The following GRIK4 variants were observed in gnomAD, a reference collection of about 807,000 sequenced individuals.
GRIK4 encodes the protein glutamate receptor ionotropic, kainate 4.
Under a neutral mutation model 104.9 loss-of-function variants are expected in GRIK4, and 40 were observed. That is an observed-to-expected ratio of 0.38 (90% confidence interval 0.30 to 0.50). GRIK4 has a LOEUF of 0.50. Among genes scored for constraint, GRIK4 ranks in the 20% least tolerant of loss-of-function variants. The pLI is 0.93. For synonymous variants in GRIK4, 485 were observed against 524.9 expected, an observed-to-expected ratio of 0.92 and a Z score of 1.04; for missense variants, 1,047 against 1,308.1, an observed-to-expected ratio of 0.80 and a Z score of 3.08.
At chr11:120,532,113 C>T (rs1591677995) in intron 1 of GRIK4, among the ~76,000 whole-genome samples, 1 of 152,198 alleles carries the variant, frequency 6.6e-6, no homozygotes, top group East Asian at 1.9e-4. Context: ...ACAGCTGGAG[C>T]CGGGTACCTG....
At chr11:120,768,519 C>CTATTTA (rs1196684627) in intron 3 of GRIK4, among the ~76,000 whole-genome samples, 3 of 152,116 alleles carry the variant, frequency 2.0e-5, no homozygotes, top group East Asian at 3.9e-4. Context: ...ATTTGGATGC[C>CTATTTA]TTTTTATTTT....
At chr11:120,656,448 CATG>C (rs1444411904) in intron 2 of GRIK4, among the ~76,000 whole-genome samples, 3 of 152,204 alleles carry the variant, frequency 2.0e-5, no homozygotes, top group African/African-American at 7.2e-5. Flanking sequence ...AGACATGCAA[CATG>C]GTGGCTCTTT....
At chr11:120,566,018 C>G (rs902010664) in intron 1 of GRIK4, among the ~76,000 whole-genome samples, 1 of 152,144 alleles carries the variant, frequency 6.6e-6, no homozygotes, top group Admixed American at 6.5e-5. Flanking sequence ...GTCATTGTCT[C>G]TAGGATAAAA....
At chr11:120,729,590 C>G (rs564450999) in intron 3 of GRIK4, among the ~76,000 whole-genome samples, 1 of 152,050 alleles carries the variant, frequency 6.6e-6, no homozygotes, top group Non-Finnish European at 1.5e-5. Flanking sequence ...GATCTTTTGC[C>G]CATTTCTTAA....
chr11:120,771,767 G>C (rs758928317), intron 3 of GRIK4, among the ~76,000 whole-genome samples: 1 of 152,210 alleles, frequency 6.6e-6, no homozygotes, highest in Non-Finnish European at 1.5e-5. Flanking sequence ...GCTGCCCCAG[G>C]TGTGGCTCCA....
At chr11:120,538,132 G>A (rs113483723) in intron 1 of GRIK4, among the ~76,000 whole-genome samples, 6 of 152,180 alleles carry the variant, frequency 3.9e-5, no homozygotes, top group East Asian at 1.9e-4. Flanking sequence ...CTTGCTTTCC[G>A]GCCTGACCTG....
In GRIK4 at chr11:120,956,364, G is replaced by C. The variant is rs1944148810; in HGVS notation, c.1701-416G>C. 6.6e-6 allele frequency among the ~76,000 whole-genome samples: 1 copy of C among 151,956 alleles called. No individual in the cohort carries two copies. Among genetic ancestry groups the C allele is most frequent in the Admixed American group, 6.6e-5 (1 of 15,244 alleles). The stretch of plus-strand genomic sequence containing the variant: ...TTACAGGCACACACCACCATACCTG[G>C]CTAATTTTTTTGTATTTTTTAGTAG... On this transcript the variant is annotated intron_variant, in intron 15 of 20. Coordinates refer to ENST00000527524, the MANE Select transcript of GRIK4 (RefSeq NM_014619.5). The surrounding 1 kb of genome is among the most constrained non-coding windows in gnomAD (Gnocchi z 4.6).
At chr11:120,832,121 G>A in intron 7 of GRIK4, 91 bp downstream of exon 7, 1 of 828,588 alleles carries the variant, frequency 1.2e-6, no homozygotes, top group Non-Finnish European at 1.9e-6. Flanking sequence ...GGCTGACGGA[G>A]CCCCGGGCTG....
At chr11:120,632,015 A>G (rs1949338847) in intron 1 of GRIK4, among the ~76,000 whole-genome samples, 1 of 152,170 alleles carries the variant, frequency 6.6e-6, no homozygotes, top group African/African-American at 2.4e-5. Flanking sequence ...CTCATCTGGA[A>G]ATGAATGGCA....
chr11:120,611,076 AG>A (rs1949031892), intron 1 of GRIK4, among the ~76,000 whole-genome samples: 1 of 152,152 alleles, frequency 6.6e-6, no homozygotes, highest in Non-Finnish European at 1.5e-5. Context: ...AGGCAGAACC[AG>A]GAGAGGGTCA....
At chr11:120,525,717 G>C (rs1268903124) in intron 1 of GRIK4, among the ~76,000 whole-genome samples, 2 of 152,206 alleles carry the variant, frequency 1.3e-5, no homozygotes, top group Non-Finnish European at 2.9e-5. Flanking sequence ...GCTTCCTGGA[G>C]GAAGTAGGGC....
At chr11:120,592,381 T>C (rs1190031077) in intron 1 of GRIK4, among the ~76,000 whole-genome samples, 1 of 152,210 alleles carries the variant, frequency 6.6e-6, no homozygotes, top group Admixed American at 6.5e-5. Context: ...TGGCACCCCC[T>C]ACGTGATTGT....
At chr11:120,904,547 C>A (rs1434013060) in intron 12 of GRIK4, among the ~76,000 whole-genome samples, 1 of 152,214 alleles carries the variant, frequency 6.6e-6, no homozygotes, top group Non-Finnish European at 1.5e-5. Flanking sequence ...CTTTAAAACG[C>A]TTGATGCTTC....
Position 120,660,401 on chromosome 11 carries a change from G to C in GRIK4, c.82+1G>C. 3.1e-6 allele frequency: 5 copies of C among 1,610,738 alleles called. No individual in the cohort carries two copies. The highest frequency in any genetic ancestry group is 4.2e-6 in the Non-Finnish European group (5 of 1,178,498). ...TGCAGCCCGCACTCCTTGAGGATCGGTAAGTGTGGCCCAGCTTGGGGCAGT... is the reference window on the plus strand; with the variant it reads ...TGCAGCCCGCACTCCTTGAGGATCGCTAAGTGTGGCCCAGCTTGGGGCAGT... On this transcript the variant is annotated splice_donor_variant, in intron 3 of 20. Coordinates refer to ENST00000527524, the MANE Select transcript of GRIK4 (RefSeq NM_014619.5). LOFTEE classifies it high-confidence loss of function.
chr11:120,676,600 G>T (rs940575898), intron 3 of GRIK4, among the ~76,000 whole-genome samples: 3 of 152,128 alleles, frequency 2.0e-5, no homozygotes, highest in Non-Finnish European at 2.9e-5. Context: ...CACTCTCTTG[G>T]GAAGGAATCC....
chr11:120,599,342 G>A (rs190261202), intron 1 of GRIK4, among the ~76,000 whole-genome samples: 1 of 152,338 alleles, frequency 6.6e-6, no homozygotes, highest in East Asian at 1.9e-4. Flanking sequence ...GGAGTTGGTG[G>A]TGGGGAAGGT....
At position 120,976,602 on chromosome 11, in the gene GRIK4, T is replaced by C. The variant is rs117559705; in HGVS notation, c.2396-5504T>C. Among the ~76,000 whole-genome samples, 652 of 152,330 alleles carry C rather than the reference T, an allele frequency of 4.3e-3. 3 individuals are homozygous for C. Among genetic ancestry groups the C allele is most frequent in the Non-Finnish European group, 6.7e-3 (455 of 68,004 alleles). On this transcript the variant is annotated intron_variant, in intron 19 of 20. Coordinates refer to ENST00000527524, the MANE Select transcript of GRIK4 (RefSeq NM_014619.5). ...ATGGTTCCAAGAATCCATGTTCTTG[T>C]CCAATGCTCTTGATGAGCCAGTGTG...
intron 3 of GRIK4, among the ~76,000 whole-genome samples, chr11:120,759,327 A>G (rs1951705081): frequency 6.6e-6 from 1 of 152,182 alleles, no homozygotes; most frequent in Non-Finnish European, 1.5e-5. Flanking sequence ...GTCTAGAGGC[A>G]GGCAGGGGCC....
chr11:120,940,749 T>C lies in GRIK4; in HGVS notation c.1590+289T>C, dbSNP rs1943704310. Among the ~76,000 whole-genome samples the C allele has an allele frequency of 6.6e-6, 1 of 152,176 alleles. No homozygotes were observed. Among genetic ancestry groups the C allele is most frequent in the African/African-American group, 2.4e-5 (1 of 41,454 alleles). On this transcript the variant is annotated intron_variant, in intron 14 of 20. Coordinates refer to ENST00000527524, the MANE Select transcript of GRIK4 (RefSeq NM_014619.5). The surrounding 1 kb of genome is among the most constrained non-coding windows in gnomAD (Gnocchi z 4.3). Reference sequence around the variant, plus strand: ...GATCCTGTGTTGGTGATTGGCCCCATGGGTCACTTTGCTCCCTTGCCTGCA... The same window carrying C: ...GATCCTGTGTTGGTGATTGGCCCCACGGGTCACTTTGCTCCCTTGCCTGCA...
Sources: gnomAD v4.1 joint callset for allele counts (sites outside exome capture counted in the v4.1 genomes callset) on GRCh38, gnomAD v4.1.1 for gene constraint, Gnocchi (gnomAD v3.1) non-coding constraint, MANE v1.5 for transcripts, NCBI Gene and HGNC (gene_info 2026-07-23, HGNC 2026-07-21) for gene names.